PC: variants seen among roughly 807,000 people sequenced by gnomAD.
PC encodes pyruvate carboxylase, mitochondrial.
A neutral mutation model predicts 107.8 loss-of-function variants in PC; 46 were observed. The ratio of observed to expected loss-of-function variants is 0.43; its 90% CI spans 0.34 to 0.55. The LOEUF (loss-of-function observed/expected upper bound fraction) is 0.55, where lower values mean the gene tolerates loss of function less well. PC is among the 20% of genes least tolerant of loss of function. The probability of loss-of-function intolerance (pLI) is 0.04; values close to 1 mark genes in which losing one functional copy is unlikely to be tolerated. For missense variants in PC, 1,241 were observed against 1,643.1 expected, an observed-to-expected ratio of 0.76 and a Z score of 4.23; for synonymous variants, 662 against 684.7, an observed-to-expected ratio of 0.97 and a Z score of 0.52.
chr11:66,883,945 T>C (rs1791558295), intron 3 of PC, among the ~76,000 whole-genome samples: 1 of 152,048 alleles, frequency 6.6e-6, no homozygotes. Context: ...AAAAAAACTT[T>C]TTAAAATTAG....
In PC at chr11:66,870,754, C is replaced by T. The variant is rs202088160; in HGVS notation, c.751+21G>A. 3.9e-5 allele frequency: 63 copies of T among 1,595,190 alleles called. No individual in the cohort carries two copies. Among genetic ancestry groups the T allele is most frequent in the Middle Eastern group, 1.7e-4 (1 of 6,032 alleles). On this transcript the variant is annotated intron_variant, in intron 8 of 22. Coordinates refer to ENST00000393960, the MANE Select transcript of PC (RefSeq NM_001040716.2). The surrounding 1 kb of genome is among the most constrained non-coding windows in gnomAD (Gnocchi z 6.1). ...AGCTCCCGCCTCCAGCTGCCCCAGG[C>T]GGGGCGTCAGGACCACTCACCCAAG...
At position 66,871,710 on chromosome 11, in the gene PC, G is replaced by A. The variant is rs1271131697; in HGVS notation, c.298C>T (p.Pro100Ser). Residue 100 changes from proline (P) to serine (S), a missense_variant, in exon 5 of 23, where the codon CCA (proline) becomes TCA (serine). Around this residue, in one of 2 missense-constraint regions of PC, gnomAD observed 1,143 missense variants for 1,551.9 expected, o/e 0.74. Transcript: ENST00000393960. This position sits in a 1 kb window ranked among gnomAD's most constrained non-coding sequence, Gnocchi z 7.4. ...ACCTTGGCCACCTTGATGATGTCTGGGATGTGCAGGTAGGCCTGCACGGGG... is the reference window on the plus strand; with the variant it reads ...ACCTTGGCCACCTTGATGATGTCTGAGATGTGCAGGTAGGCCTGCACGGGG... ...LAPVQAYLHI[P>S]DIIKVAKENN... is the part of the protein sequence containing the mutation. 3 of 1,569,944 alleles carry A rather than the reference G, an allele frequency of 1.9e-6. No individual in the cohort carries two copies. Among genetic ancestry groups the A allele is most frequent in the Non-Finnish European group, 2.6e-6 (3 of 1,157,596 alleles).
rs1212036400 is a variant in PC at position 66,851,280 on chromosome 11, C to T, written c.1983G>A (p.Lys661=). 6.2e-7 allele frequency: 1 copy of T among 1,600,332 alleles called. No individual in the cohort carries two copies. Among genetic ancestry groups the T allele is most frequent in the East Asian group, 2.2e-5 (1 of 44,884 alleles). The stretch of plus-strand genomic sequence containing the variant: ...CATTCTCTTTGGCCACTTCACAGAA[C>T]CTGCAAGGGTGAGAGAGCCCAGGGC... ...YTNYPDNVVF[K]FCEVAKENGM... is the part of the protein sequence containing the mutation. Residue 661 remains lysine, a splice_region_variant and synonymous_variant, in exon 17 of 23, where the codon AAG becomes AAA. Coordinates refer to ENST00000393960, the MANE Select transcript of PC (RefSeq NM_001040716.2).
At chr11:66,861,461 A>G (rs2135890039) in intron 12 of PC, among the ~76,000 whole-genome samples, 1 of 152,354 alleles carries the variant, frequency 6.6e-6, no homozygotes, top group East Asian at 1.9e-4. Flanking sequence ...AGGTGCTCTA[A>G]GGCATACGTG....
At chr11:66,905,846 G>A (rs111847001) in intron 3 of PC, among the ~76,000 whole-genome samples, 3,240 of 152,220 alleles carry the variant, frequency 0.021, 104 homozygotes, top group East Asian at 0.075. Flanking sequence ...TGCCTGGGCT[G>A]CCCAGGCCCT....
intron 3 of PC, among the ~76,000 whole-genome samples, chr11:66,917,215 G>A (rs1948482531): frequency 6.6e-6 from 1 of 151,790 alleles, no homozygotes; most frequent in Non-Finnish European, 1.5e-5. Context: ...GGGATTACAG[G>A]GGCGCGCCAT....
intron 3 of PC, among the ~76,000 whole-genome samples, chr11:66,951,694 A>G (rs1472342097): frequency 6.6e-6 from 1 of 152,126 alleles, no homozygotes; most frequent in Non-Finnish European, 1.5e-5. Flanking sequence ...GATTGAGACC[A>G]TCCTGGCCAA....
chr11:66,940,904 C>A (rs747239105), intron 3 of PC, among the ~76,000 whole-genome samples: 8 of 151,532 alleles, frequency 5.3e-5, no homozygotes, highest in Non-Finnish European at 1.0e-4. Flanking sequence ...CTGGCTAACA[C>A]GTCTCTACTA....
chr11:66,887,354 T>C (rs1424395742), intron 3 of PC, among the ~76,000 whole-genome samples: 2 of 152,138 alleles, frequency 1.3e-5, no homozygotes, highest in South Asian at 2.1e-4. Context: ...AACAGGAACA[T>C]TGAGGAGAAA....
At chr11:66,915,204 G>A (rs1405017898) in intron 3 of PC, among the ~76,000 whole-genome samples, 1 of 152,160 alleles carries the variant, frequency 6.6e-6, no homozygotes, top group Non-Finnish European at 1.5e-5. Context: ...CCATTTCACA[G>A]AGAGCACGGT....
chr11:66,925,161 T>C (rs144569857), intron 3 of PC, among the ~76,000 whole-genome samples: 3 of 152,246 alleles, frequency 2.0e-5, no homozygotes, highest in African/African-American at 7.2e-5. Flanking sequence ...GAAATTAAAA[T>C]TGCTAATGAA....
At chr11:66,933,015 A>G (rs1948900386) in intron 3 of PC, among the ~76,000 whole-genome samples, 1 of 152,268 alleles carries the variant, frequency 6.6e-6, no homozygotes, top group Admixed American at 6.5e-5. Flanking sequence ...AAAAAATCCA[A>G]CGGAAAACCT....
chr11:66,956,222 T>G (rs1232060350), intron 1 of PC, among the ~76,000 whole-genome samples: 1 of 152,158 alleles, frequency 6.6e-6, no homozygotes, highest in Admixed American at 6.6e-5. Flanking sequence ...CACCCAACAG[T>G]GAAGCTGTTT....
At chr11:66,903,791 T>TATAC (rs1161764120) in intron 3 of PC, among the ~76,000 whole-genome samples, 5 of 120,460 alleles carry the variant, frequency 4.2e-5, no homozygotes, top group African/African-American at 1.2e-4. Context: ...TATATATATA[T>TATAC]ACACACACCC....
intron 9 of PC, among the ~76,000 whole-genome samples, chr11:66,869,238 C>G (rs572843170): frequency 6.6e-6 from 1 of 152,106 alleles, no homozygotes; most frequent in South Asian, 2.1e-4. Context: ...GGCAGAAGCC[C>G]CCACCCATCC....
At chr11:66,884,945 G>A (rs1447877874) in intron 3 of PC, among the ~76,000 whole-genome samples, 2 of 152,134 alleles carry the variant, frequency 1.3e-5, no homozygotes, top group South Asian at 2.1e-4. Context: ...GACATTTCCC[G>A]ACCCTCTTCA....
intron 3 of PC, among the ~76,000 whole-genome samples, chr11:66,947,291 C>CAA (rs879668967): frequency 4.8e-5 from 7 of 144,756 alleles, no homozygotes; most frequent in Non-Finnish European, 9.1e-5. Flanking sequence ...ATGAAATCAG[C>CAA]AAAAAAAAAA....
intron 3 of PC, among the ~76,000 whole-genome samples, chr11:66,929,426 G>T (rs1948793061): frequency 6.6e-6 from 1 of 152,024 alleles, no homozygotes; most frequent in African/African-American, 2.4e-5. Context: ...GAGTGCAGTG[G>T]CCCAATCTCA....
chr11:66,850,462 C>A lies in PC; in HGVS notation c.2476G>T (p.Val826Leu). Residue 826 changes from valine to leucine, a missense_variant and splice_region_variant, in exon 19 of 23, where the codon GTG becomes TTG. Around this residue, in one of 2 missense-constraint regions of PC, gnomAD observed 1,143 missense variants for 1,551.9 expected, o/e 0.74. Transcript: ENST00000393960. ...CTRGTPLDTEVPMERVFDYSE... is the reference protein window; with the variant it reads ...CTRGTPLDTELPMERVFDYSE... The stretch of plus-strand genomic sequence containing the variant: ...TAGTCAAACACGCGCTCCATGGGCA[C>A]CTCTGCAGGGAGGCCAGAGTCAGAG... 2 of 1,613,876 alleles carry A rather than the reference C, an allele frequency of 1.2e-6. No individual in the cohort carries two copies. Among genetic ancestry groups the A allele is most frequent in the Non-Finnish European group, 8.5e-7 (1 of 1,180,000 alleles).
Sources: allele counts gnomAD v4.1 joint callset (sites outside exome capture counted in the v4.1 genomes callset), GRCh38; gene constraint gnomAD v4.1.1; regional missense constraint gnomAD v4.1.1; non-coding constraint Gnocchi (gnomAD v3.1); transcripts MANE v1.5; gene names NCBI Gene and HGNC (gene_info 2026-07-23, HGNC 2026-07-21).